Variants in RBMS3 observed in about 807,000 individuals in gnomAD.
RBMS3 encodes the protein RNA-binding motif, single-stranded-interacting protein 3.
A neutral mutation model predicts 66.8 loss-of-function variants in RBMS3; 27 were observed. The ratio of observed to expected loss-of-function variants is 0.40; its 90% confidence interval spans 0.30 to 0.56. The LOEUF (loss-of-function observed/expected upper bound fraction) is 0.56, where lower values mean the gene tolerates loss of function less well. Among genes scored for constraint, RBMS3 ranks in the 20% least tolerant of loss-of-function variants. The pLI, the probability that RBMS3 is intolerant of heterozygous loss-of-function variation, is 0.40. For synonymous variants in RBMS3, 188 were observed against 183.0 expected, an observed-to-expected ratio of 1.03 and a Z score of -0.22; for missense variants, 513 against 549.5, an observed-to-expected ratio of 0.93 and a Z score of 0.66.
chr3:29,838,272 G>A (rs920784492), intron 6 of RBMS3, among the ~76,000 whole-genome samples: 1 of 151,946 alleles, frequency 6.6e-6, no homozygotes, highest in Non-Finnish European at 1.5e-5. Context: ...TTGAGAGGTG[G>A]AGGCTGCAGT....
chr3:29,959,884 A>C (rs1427263230), intron 12 of RBMS3, among the ~76,000 whole-genome samples: 1 of 152,038 alleles, frequency 6.6e-6, no homozygotes, highest in Non-Finnish European at 1.5e-5. Flanking sequence ...CTCCCACCAG[A>C]TCCTTCCTGC....
At chr3:29,336,253 T>C (rs2035940669) in intron 1 of RBMS3, among the ~76,000 whole-genome samples, 1 of 152,174 alleles carries the variant, frequency 6.6e-6, no homozygotes, top group East Asian at 1.9e-4. Context: ...GGAGTGGATG[T>C]ACTTTTGTGT....
intron 1 of RBMS3, among the ~76,000 whole-genome samples, chr3:29,314,380 T>C (rs1452255413): frequency 2.6e-5 from 4 of 151,816 alleles, no homozygotes; most frequent in South Asian, 2.1e-4. Context: ...CACTGTCCTA[T>C]TAGTATCCTC....
chr3:29,494,299 A>AGAG (rs2043658953), intron 3 of RBMS3, among the ~76,000 whole-genome samples: 1 of 152,220 alleles, frequency 6.6e-6, no homozygotes. Context: ...AGTTAGGGAC[A>AGAG]GTAGTCAGGC....
At chr3:29,472,768 A>G (rs1206831968) in intron 2 of RBMS3, among the ~76,000 whole-genome samples, 1 of 152,068 alleles carries the variant, frequency 6.6e-6, no homozygotes, top group African/African-American at 2.4e-5. Flanking sequence ...TACAGCTCAT[A>G]AAGGCAGTGT....
At position 29,512,642 on chromosome 3, in the gene RBMS3, T is replaced by A. The variant is rs75688477; in HGVS notation, c.307+24143T>A. 1.5e-3 allele frequency among the ~76,000 whole-genome samples: 235 copies of A among 152,292 alleles called. 1 individual carries two copies. The highest frequency in any genetic ancestry group is 5.5e-3 in the African/African-American group (227 of 41,556). On this transcript the variant is annotated intron_variant, in intron 3 of 14. Coordinates refer to ENST00000383767, the MANE Select transcript of RBMS3 (RefSeq NM_001003793.3). ...ACTTGAGGATTACTACTAAGGACTTTTCAGGGAAAATAAAAACGAAATAAC... is the reference window on the plus strand; with the variant it reads ...ACTTGAGGATTACTACTAAGGACTTATCAGGGAAAATAAAAACGAAATAAC...
chr3:29,394,977 C>T (rs766335233), intron 1 of RBMS3, among the ~76,000 whole-genome samples: 2 of 152,178 alleles, frequency 1.3e-5, no homozygotes, highest in Non-Finnish European at 2.9e-5. Flanking sequence ...TCTGCTCTGG[C>T]CACCCCACTT....
chr3:29,872,058 A>C (rs2059504464), intron 7 of RBMS3, among the ~76,000 whole-genome samples: 1 of 152,108 alleles, frequency 6.6e-6, no homozygotes, highest in Non-Finnish European at 1.5e-5. Context: ...TTCAAGAGAC[A>C]ATTGGAACTC....
chr3:29,516,960 T>A (rs893662067), intron 3 of RBMS3, among the ~76,000 whole-genome samples: 8 of 151,926 alleles, frequency 5.3e-5, no homozygotes, highest in Non-Finnish European at 8.8e-5. Flanking sequence ...ATCCTGTAAT[T>A]CCAGCAATTT....
intron 12 of RBMS3, among the ~76,000 whole-genome samples, chr3:29,973,265 A>G (rs1227933223): frequency 6.6e-6 from 1 of 152,066 alleles, no homozygotes; most frequent in African/African-American, 2.4e-5. Flanking sequence ...CAGACAAGAA[A>G]TTCAAATGTG....
At chr3:29,792,333 A>G (rs1185860761) in intron 6 of RBMS3, among the ~76,000 whole-genome samples, 1 of 152,190 alleles carries the variant, frequency 6.6e-6, no homozygotes, top group Non-Finnish European at 1.5e-5. Context: ...TTCACCTCCT[A>G]GCAAAGGAGT....
intron 10 of RBMS3, among the ~76,000 whole-genome samples, chr3:29,915,411 C>A (rs6776043): frequency 0.095 from 14,361 of 151,862 alleles, 1,400 homozygotes; most frequent in African/African-American, 0.25. Flanking sequence ...TTACTGAAGA[C>A]CATCATGTTT....
intron 10 of RBMS3, among the ~76,000 whole-genome samples, chr3:29,916,251 C>T (rs2060635798): frequency 6.6e-6 from 1 of 151,964 alleles, no homozygotes; most frequent in Non-Finnish European, 1.5e-5. Flanking sequence ...TCCCCCTCTC[C>T]ATTTACTTTT....
At chr3:29,389,938 G>C (rs1409038462) in intron 1 of RBMS3, among the ~76,000 whole-genome samples, 1 of 152,112 alleles carries the variant, frequency 6.6e-6, no homozygotes, top group Non-Finnish European at 1.5e-5. Flanking sequence ...GTGGAAAAAA[G>C]GGTAAGGGAC....
intron 4 of RBMS3, among the ~76,000 whole-genome samples, chr3:29,611,782 TA>T (rs1203408782): frequency 2.6e-5 from 4 of 151,992 alleles, no homozygotes; most frequent in Non-Finnish European, 5.9e-5. Flanking sequence ...AAAAAAAAAC[TA>T]AAAGTTTTTA....
In RBMS3 at chr3:30,005,150, C is replaced by G. The variant is rs1336527633; in HGVS notation, c.*1288C>G. 6.7e-6 allele frequency: 1 copy of G among 149,676 alleles called. No individual in the cohort carries two copies. The highest frequency in any genetic ancestry group is 1.5e-5 in the Non-Finnish European group (1 of 67,288). 9.3% of individuals were successfully genotyped at this position (149,676 alleles called of 1,614,324 possible). ...ACCGACATGGCCGGACCAGTTCTTT[C>G]TTTGTTGTTTGTTTAAACTACCTTC... On this transcript the variant is annotated 3_prime_UTR_variant, in exon 15 of 15. Coordinates refer to ENST00000383767, the MANE Select transcript of RBMS3 (RefSeq NM_001003793.3).
intron 3 of RBMS3, among the ~76,000 whole-genome samples, chr3:29,572,119 G>C (rs1212471421): frequency 1.4e-4 from 22 of 151,988 alleles, no homozygotes; most frequent in Admixed American, 1.4e-3. Flanking sequence ...TTCGTATGTT[G>C]ATCTTGTATC....
chr3:29,730,973 C>T, intron 4 of RBMS3: 1 of 985,324 alleles, frequency 1.0e-6, no homozygotes, highest in Non-Finnish European at 1.2e-6. Flanking sequence ...TCAAGGAAAG[C>T]CAGAGATCCA....
chr3:29,947,033 A>C (rs193004193), intron 12 of RBMS3, among the ~76,000 whole-genome samples: 88 of 151,838 alleles, frequency 5.8e-4, no homozygotes, highest in African/African-American at 2.1e-3. Flanking sequence ...AGAATAAAGA[A>C]GGAAGAAAAA....
Sources: allele counts gnomAD v4.1 joint callset (sites outside exome capture counted in the v4.1 genomes callset), GRCh38; gene constraint gnomAD v4.1.1; transcripts MANE v1.5; gene names NCBI Gene and HGNC (gene_info 2026-07-23, HGNC 2026-07-21).